Variants in RPS6KA2 observed in about 807,000 individuals in gnomAD.
RPS6KA2 encodes ribosomal protein S6 kinase alpha-2.
Under a neutral mutation model 91.8 loss-of-function variants are expected in RPS6KA2, and 42 were observed. The observed-to-expected ratio is 0.46, with a 90% CI of 0.36 to 0.59. The LOEUF is 0.59. Ranked by LOEUF, RPS6KA2 falls within the 20% of genes least tolerant of loss-of-function variation. The probability of loss-of-function intolerance (pLI) is 0.00; values close to 1 mark genes in which losing one functional copy is unlikely to be tolerated. For synonymous variants in RPS6KA2, 414 were observed against 393.6 expected (o/e 1.05, Z -0.61); for missense variants, 798 against 978.5 (o/e 0.82, Z 2.46).
Position 166,493,858 on chromosome 6 carries a change from C to G in RPS6KA2, c.748-3117G>C, listed in dbSNP as rs1409204870. Among the ~76,000 whole-genome samples the G allele has an allele frequency of 6.6e-6, 1 of 152,182 alleles. No homozygotes were observed. The highest frequency in any genetic ancestry group is 1.9e-4 in the East Asian group (1 of 5,180). On this transcript the variant is annotated intron_variant, in intron 8 of 20. Transcript: ENST00000265678. This position sits in a 1 kb window ranked among gnomAD's most constrained non-coding sequence, Gnocchi z 4.7. ...GCCCCACAACAAGGAAGTGTCCAGT[C>G]CCGACCTCAACAGTGCTGGCTGAGA... is the stretch of plus-strand genomic sequence containing the variant.
chr6:166,831,604 C>T (rs1459609412), intron 2 of RPS6KA2, among the ~76,000 whole-genome samples: 1 of 151,864 alleles, frequency 6.6e-6, no homozygotes, highest in Non-Finnish European at 1.5e-5. Flanking sequence ...AGGTGCTGTT[C>T]TATTTCCATG....
At chr6:166,524,938 G>A (rs1459930815) in intron 3 of RPS6KA2, among the ~76,000 whole-genome samples, 3 of 152,138 alleles carry the variant, frequency 2.0e-5, no homozygotes, top group Non-Finnish European at 2.9e-5. Context: ...AGACACCGGC[G>A]GAGGTAGCTT....
intron 2 of RPS6KA2, among the ~76,000 whole-genome samples, chr6:166,723,991 T>A (rs1210728025): frequency 6.6e-6 from 1 of 152,180 alleles, no homozygotes. Context: ...TGAGCCACTG[T>A]GCCTGGCCCC....
chr6:166,648,097 C>T lies in RPS6KA2; in HGVS notation c.124-109313G>A, dbSNP rs1171605103. 1.7e-5 allele frequency among the ~76,000 whole-genome samples: 2 copies of T among 119,828 alleles called. No homozygotes were observed. Among genetic ancestry groups the T allele is most frequent in the Non-Finnish European group, 3.6e-5 (2 of 54,990 alleles). 78.6% of individuals were successfully genotyped at this position (119,828 alleles called of 152,430 possible). ...ACGCACATGGTCATACACACACGCT[C>T]ATACACACACGTGCACACACACGCT... On this transcript the variant is annotated intron_variant, in intron 2 of 21. Transcript: ENST00000503859. The surrounding 1 kb of genome is among the most constrained non-coding windows in gnomAD (Gnocchi z 4.8).
rs1193518390 is a variant in RPS6KA2, at chr6:166,733,092, C to T, written c.123+125108G>A. Among the ~76,000 whole-genome samples, 1 of 152,150 alleles carries T rather than the reference C, an allele frequency of 6.6e-6. No homozygotes were observed. The highest frequency in any genetic ancestry group is 1.5e-5 in the Non-Finnish European group (1 of 68,024). ...GCCTAAGGGTGAGATGCTCTGCCCC[C>T]TGTGGATCGAGCCTACCCTGTACTC... On this transcript the variant is annotated intron_variant, in intron 2 of 21. Transcript: ENST00000503859. The surrounding 1 kb of genome is among the most constrained non-coding windows in gnomAD (Gnocchi z 4.1).
Position 166,413,869 on chromosome 6 carries a change from G to A in RPS6KA2, c.2001C>T (p.Leu667=), listed in dbSNP as rs200027480. The part of the protein sequence containing the change: ...PHQRLTAMQV[L]KHPWVVNREY... ...CTCTGTTGACCACCCACGGGTGTTT[G>A]AGCACTTGCATCGCCGTCAGGCGCT... The change falls in exon 20 of 21, where the codon CTC becomes CTT. Residue 667 remains leucine, a synonymous_variant. Transcript: ENST00000265678. 1.2e-4 allele frequency: 198 copies of A among 1,614,154 alleles called. No individual in the cohort carries two copies. The highest frequency in any genetic ancestry group is 1.6e-4 in the Non-Finnish European group (188 of 1,179,988).
At position 166,418,979 on chromosome 6, in the gene RPS6KA2, C is replaced by T. The variant is rs1403570479; in HGVS notation, c.1821-637G>A. On this transcript the variant is annotated intron_variant, in intron 18 of 20. Coordinates refer to ENST00000265678, the MANE Select transcript of RPS6KA2 (RefSeq NM_021135.6). The surrounding 1 kb of genome is among the most constrained non-coding windows in gnomAD (Gnocchi z 4.9). ...TAGGCAAAGTGAGTATTAGAAGCGTCACAAAGTAACCTGACTGTGGTATTG... is the reference window on the plus strand; with the variant it reads ...TAGGCAAAGTGAGTATTAGAAGCGTTACAAAGTAACCTGACTGTGGTATTG... Among the ~76,000 whole-genome samples, 2 of 152,216 alleles carry T rather than the reference C, an allele frequency of 1.3e-5. No homozygotes were observed. Among genetic ancestry groups the T allele is most frequent in the African/African-American group, 4.8e-5 (2 of 41,462 alleles).
chr6:166,590,718 A>G (rs534981810), intron 1 of RPS6KA2, among the ~76,000 whole-genome samples: 1 of 152,318 alleles, frequency 6.6e-6, no homozygotes, highest in South Asian at 2.1e-4. Context: ...CCGTTGCATC[A>G]TGTATACCTT....
rs747317592 is a variant in RPS6KA2, at chr6:166,533,069, T to C, written c.217-1756A>G. Among the ~76,000 whole-genome samples, 2 of 152,190 alleles carry C rather than the reference T, an allele frequency of 1.3e-5. No homozygotes were observed. The highest frequency in any genetic ancestry group is 2.9e-5 in the Non-Finnish European group (2 of 68,022). On this transcript the variant is annotated intron_variant, in intron 2 of 20. Transcript: ENST00000265678. This position sits in a 1 kb window ranked among gnomAD's most constrained non-coding sequence, Gnocchi z 4.0. The stretch of plus-strand genomic sequence containing the variant: ...GCCTCAGGGTGTTCCCTCTGTGCAG[T>C]GGGCGAGCTTCCTGACAGGCAGGTA...
At chr6:166,427,432 GT>G (rs1441456271) in intron 16 of RPS6KA2, among the ~76,000 whole-genome samples, 1 of 152,086 alleles carries the variant, frequency 6.6e-6, no homozygotes, top group Admixed American at 6.5e-5. Flanking sequence ...ATTCAACATA[GT>G]GTTGGAAGTT....
At chr6:166,725,583 G>A (rs1790311960) in intron 2 of RPS6KA2, among the ~76,000 whole-genome samples, 1 of 152,252 alleles carries the variant, frequency 6.6e-6, no homozygotes, top group Non-Finnish European at 1.5e-5. Context: ...TCGAAGGGAG[G>A]TGGAGGAGGT....
At chr6:166,547,405 T>C (rs973025946) in intron 1 of RPS6KA2, among the ~76,000 whole-genome samples, 3 of 152,202 alleles carry the variant, frequency 2.0e-5, no homozygotes, top group African/African-American at 7.2e-5. Context: ...ATCCCCAAAA[T>C]GGTTCTGAAA....
chr6:166,532,093 C>A (rs1419550436), intron 2 of RPS6KA2, among the ~76,000 whole-genome samples: 1 of 152,222 alleles, frequency 6.6e-6, no homozygotes, highest in East Asian at 1.9e-4. Context: ...ACACGGTGCA[C>A]TGGTGTGGCT....
upstream of RPS6KA2, among the ~76,000 whole-genome samples, chr6:166,631,704 A>C (rs1266173846): frequency 6.6e-6 from 1 of 152,134 alleles, no homozygotes; most frequent in Admixed American, 6.5e-5. Context: ...GGCTGGAGTC[A>C]TGACTCCCAA....
intron 1 of RPS6KA2, among the ~76,000 whole-genome samples, chr6:166,545,265 G>C (rs990891471): frequency 1.3e-5 from 2 of 152,220 alleles, no homozygotes; most frequent in Non-Finnish European, 2.9e-5. Flanking sequence ...CAGGAACAGG[G>C]CTGGGCTCTG....
At chr6:166,735,993 G>T (rs1161460463) in intron 2 of RPS6KA2, among the ~76,000 whole-genome samples, 1 of 152,208 alleles carries the variant, frequency 6.6e-6, no homozygotes. Context: ...AATAGGTGTA[G>T]GTTCCCAAGT....
intron 2 of RPS6KA2, among the ~76,000 whole-genome samples, chr6:166,719,493 T>C (rs146495084): frequency 4.5e-4 from 68 of 152,374 alleles, no homozygotes; most frequent in African/African-American, 1.6e-3. Context: ...ACAAGTAACC[T>C]GCAATCTCTC....
chr6:166,429,454 A>G (rs546962810), intron 16 of RPS6KA2, among the ~76,000 whole-genome samples: 2 of 152,272 alleles, frequency 1.3e-5, no homozygotes, highest in Non-Finnish European at 2.9e-5. Flanking sequence ...AAATTAAAAA[A>G]AAATTTTTAA....
At chr6:166,471,523 G>A (rs1780768967) in intron 10 of RPS6KA2, among the ~76,000 whole-genome samples, 1 of 152,232 alleles carries the variant, frequency 6.6e-6, no homozygotes, top group East Asian at 1.9e-4. Flanking sequence ...TCTCAGCTTT[G>A]TGTTATTCAC....
Sources: allele counts gnomAD v4.1 joint callset (sites outside exome capture counted in the v4.1 genomes callset), GRCh38; gene constraint gnomAD v4.1.1; non-coding constraint Gnocchi (gnomAD v3.1); transcripts MANE v1.5; gene names NCBI Gene and HGNC (gene_info 2026-07-23, HGNC 2026-07-21).